Variants in RPTOR observed in about 807,000 individuals in gnomAD.
RPTOR encodes regulatory-associated protein of mTOR.
A neutral mutation model predicts 169.9 loss-of-function variants in RPTOR; 21 were observed. The observed-to-expected ratio is 0.12, with a 90% CI of 0.09 to 0.18. RPTOR has a LOEUF of 0.18. RPTOR is among the 10% of genes least tolerant of loss of function. The pLI, the probability that RPTOR is intolerant of heterozygous loss-of-function variation, is 1.00. For synonymous variants in RPTOR, 732 were observed against 753.2 expected (o/e 0.97, Z 0.46); for missense variants, 1,133 against 1,855.9 (o/e 0.61, Z 7.16).
At chr17:80,934,860 A>G (rs1274477700) in intron 24 of RPTOR, among the ~76,000 whole-genome samples, 1 of 152,178 alleles carries the variant, frequency 6.6e-6, no homozygotes, top group Non-Finnish European at 1.5e-5. Context: ...CACAAGAATA[A>G]AAAACACAGA....
intron 2 of RPTOR, among the ~76,000 whole-genome samples, chr17:80,639,908 T>G (rs992519658): frequency 2.0e-5 from 3 of 152,246 alleles, no homozygotes; most frequent in African/African-American, 7.2e-5. Context: ...TCAGGTTGGC[T>G]GAATGCCAGC....
At chr17:80,634,156 G>C (rs1169192300) in intron 2 of RPTOR, among the ~76,000 whole-genome samples, 1 of 147,136 alleles carries the variant, frequency 6.8e-6, no homozygotes, top group African/African-American at 2.5e-5. Flanking sequence ...TGTGCGTACT[G>C]TGTGTGTGTG....
At chr17:80,839,660 G>A (rs1214554195) in intron 10 of RPTOR, among the ~76,000 whole-genome samples, 1 of 152,202 alleles carries the variant, frequency 6.6e-6, no homozygotes, top group African/African-American at 2.4e-5. Flanking sequence ...CTTTCAGAGT[G>A]CCTGCGCTTT....
At chr17:80,638,266 T>A (rs1018077672) in intron 2 of RPTOR, among the ~76,000 whole-genome samples, 1 of 152,134 alleles carries the variant, frequency 6.6e-6, no homozygotes, top group African/African-American at 2.4e-5. Flanking sequence ...CCAGCTGGGC[T>A]CCCTTTGGGC....
intron 1 of RPTOR, among the ~76,000 whole-genome samples, chr17:80,623,720 G>C (rs2065372685): frequency 6.6e-6 from 1 of 151,788 alleles, no homozygotes; most frequent in Non-Finnish European, 1.5e-5. Flanking sequence ...ATTTTTAGTA[G>C]AGACGAGGTT....
intron 1 of RPTOR, among the ~76,000 whole-genome samples, chr17:80,620,792 A>G (rs141466253): frequency 6.6e-6 from 1 of 152,354 alleles, no homozygotes; most frequent in African/African-American, 2.4e-5. Flanking sequence ...AACTTACCAA[A>G]TTTGAAATTA....
intron 1 of RPTOR, among the ~76,000 whole-genome samples, chr17:80,587,379 C>T (rs186579885): frequency 3.4e-4 from 52 of 152,278 alleles, no homozygotes; most frequent in African/African-American, 1.2e-3. Flanking sequence ...TTGCTGTTGT[C>T]GTGAGCCATT....
chr17:80,581,650 C>T (rs11658603), intron 1 of RPTOR, among the ~76,000 whole-genome samples: 135 of 139,824 alleles, frequency 9.7e-4, no homozygotes, highest in African/African-American at 3.8e-3. Context: ...TGCATGCCTG[C>T]TATTCTCTGC....
At chr17:80,740,326 A>G (rs1017890895) in intron 5 of RPTOR, among the ~76,000 whole-genome samples, 2 of 152,234 alleles carry the variant, frequency 1.3e-5, no homozygotes, top group African/African-American at 2.4e-5. Flanking sequence ...ACTGGAGACT[A>G]TTGCCAAATA....
intron 4 of RPTOR, among the ~76,000 whole-genome samples, chr17:80,716,835 C>T (rs2066243260): frequency 6.6e-6 from 1 of 152,098 alleles, no homozygotes; most frequent in African/African-American, 2.4e-5. Flanking sequence ...TGTCTTTTCC[C>T]CACTTTATGA....
chr17:80,795,461 C>T (rs1009434880), intron 7 of RPTOR, among the ~76,000 whole-genome samples: 3 of 152,134 alleles, frequency 2.0e-5, no homozygotes, highest in Admixed American at 6.5e-5. Flanking sequence ...TCAGCCAGTG[C>T]GATCAGACAG....
chr17:80,666,576 C>T (rs1421111015), intron 3 of RPTOR, among the ~76,000 whole-genome samples: 1 of 152,176 alleles, frequency 6.6e-6, no homozygotes, highest in African/African-American at 2.4e-5. Flanking sequence ...TTGCTAGTTG[C>T]TGTGGATATA....
chr17:80,825,832 C>T (rs1454817810), intron 9 of RPTOR, among the ~76,000 whole-genome samples: 1 of 152,242 alleles, frequency 6.6e-6, no homozygotes, highest in Admixed American at 6.5e-5. Context: ...CATCCCACCA[C>T]AAGCAGCCTG....
At chr17:80,920,928 C>T (rs1025711226) in intron 21 of RPTOR, among the ~76,000 whole-genome samples, 5 of 152,096 alleles carry the variant, frequency 3.3e-5, no homozygotes, top group East Asian at 1.9e-4. Context: ...TAGGGCTGGC[C>T]GAATAGTTTA....
intron 13 of RPTOR, among the ~76,000 whole-genome samples, chr17:80,863,852 C>T (rs529922575): frequency 1.1e-4 from 16 of 152,060 alleles, no homozygotes; most frequent in East Asian, 5.8e-4. Context: ...CCCGGGAGGT[C>T]GAGGCTGCAA....
chr17:80,866,128 C>T lies in RPTOR; in HGVS notation c.1509+8228C>T, dbSNP rs1032520405. Reference sequence around the variant, plus strand: ...ATTAAGATACATAGATATTATAAGTCGTGAATAACAAAGATTTATATAAAA... The same window carrying T: ...ATTAAGATACATAGATATTATAAGTTGTGAATAACAAAGATTTATATAAAA... On this transcript the variant is annotated intron_variant, in intron 13 of 33. Transcript: ENST00000306801. Among the ~76,000 whole-genome samples, 5 of 148,640 alleles carry T rather than the reference C, an allele frequency of 3.4e-5. No homozygotes were observed. The South Asian group carries it at 6.3e-4, about 19-fold the overall frequency.
At chr17:80,791,412 T>A in intron 6 of RPTOR, 38 bp from the exon 7 acceptor site, 1 of 1,601,898 alleles carries the variant, frequency 6.2e-7, no homozygotes. Context: ...GGGTGACTGT[T>A]CCATTCATGC....
intron 1 of RPTOR, among the ~76,000 whole-genome samples, chr17:80,546,571 C>T (rs1208209131): frequency 6.6e-6 from 1 of 152,114 alleles, no homozygotes; most frequent in African/African-American, 2.4e-5. Context: ...GGTAGTACTG[C>T]TTCTCCTCTA....
At chr17:80,836,644 C>T (rs981617009) in intron 9 of RPTOR, among the ~76,000 whole-genome samples, 11 of 152,240 alleles carry the variant, frequency 7.2e-5, no homozygotes, top group African/African-American at 2.6e-4. Flanking sequence ...GCCAGAGCCA[C>T]AGAAAGGCTT....
Sources: gnomAD v4.1 joint callset for allele counts (sites outside exome capture counted in the v4.1 genomes callset) on GRCh38, gnomAD v4.1.1 for gene constraint, MANE v1.5 for transcripts, NCBI Gene and HGNC (gene_info 2026-07-23, HGNC 2026-07-21) for gene names.